Variants in KCNN3 observed in about 807,000 individuals in gnomAD.
KCNN3 encodes small conductance calcium-activated potassium channel protein 3.
KCNN3 carries 16 observed loss-of-function variants against 62.9 expected under a neutral mutation model. That is an observed-to-expected ratio of 0.25 (90% CI 0.17 to 0.39). The LOEUF (loss-of-function observed/expected upper bound fraction) is 0.39. Ranked by LOEUF, KCNN3 falls within the 10% of genes least tolerant of loss-of-function variation. The pLI, the probability that KCNN3 is intolerant of heterozygous loss-of-function variation, is 1.00. For synonymous variants in KCNN3, 370 were observed against 389.2 expected (o/e 0.95, Z 0.58); for missense variants, 599 against 949.4 (o/e 0.63, Z 4.85).
At chr1:154,805,720 C>T (rs1650145607) in intron 2 of KCNN3, among the ~76,000 whole-genome samples, 1 of 152,150 alleles carries the variant, frequency 6.6e-6, no homozygotes, top group Non-Finnish European at 1.5e-5. Flanking sequence ...AACCTTGCCA[C>T]TTACCGGCTG....
intron 1 of KCNN3, among the ~76,000 whole-genome samples, chr1:154,832,541 T>C (rs1232902291): frequency 6.6e-6 from 1 of 152,130 alleles, no homozygotes; most frequent in East Asian, 1.9e-4. Context: ...CTAGCAAATA[T>C]TTACTGCTCC....
At chr1:154,803,703 G>A (rs1266454720) in intron 2 of KCNN3, among the ~76,000 whole-genome samples, 2 of 152,230 alleles carry the variant, frequency 1.3e-5, no homozygotes, top group African/African-American at 2.4e-5. Context: ...GCCCTGGGCA[G>A]TGTACAGCTG....
chr1:154,767,659 G>A (rs1648356993), intron 3 of KCNN3, among the ~76,000 whole-genome samples: 2 of 152,198 alleles, frequency 1.3e-5, no homozygotes, highest in South Asian at 4.1e-4. Flanking sequence ...GTAAAATCAG[G>A]AGGTTCCTCC....
chr1:154,717,154 A>T (rs1379749439), intron 5 of KCNN3, among the ~76,000 whole-genome samples: 1 of 152,234 alleles, frequency 6.6e-6, no homozygotes, highest in Non-Finnish European at 1.5e-5. Flanking sequence ...CACAGGTCTG[A>T]GTACTTCATA....
At chr1:154,714,053 TGTGTGTGTGTGTG>T (rs1700136682) in intron 6 of KCNN3, among the ~76,000 whole-genome samples, 1 of 20,554 alleles carries the variant, frequency 4.9e-5, no homozygotes, top group Non-Finnish European at 9.0e-5. Context: ...GTGTGCGGGG[TGTGTGTGTGTGTG>T]GTGTTTGTGT....
intron 6 of KCNN3, among the ~76,000 whole-genome samples, chr1:154,713,991 T>C (rs186278705): frequency 0.054 from 1,229 of 22,680 alleles, 1 homozygote; most frequent in Non-Finnish European, 0.09. Context: ...GTGCGGGGTG[T>C]GTGTGTGTGT....
In KCNN3 at chr1:154,701,738, A is replaced by G. The variant is rs1474395626; in HGVS notation, c.*6238T>C. On this transcript the variant is annotated 3_prime_UTR_variant, in exon 8 of 8. Coordinates refer to ENST00000271915, the MANE Select transcript of KCNN3 (RefSeq NM_002249.6). Reference sequence around the variant, plus strand: ...AACATGTGGGAACCTTGCTCCCTCAAGGGTATTGCCAATTTAGAAAAGCAC... The same window carrying G: ...AACATGTGGGAACCTTGCTCCCTCAGGGGTATTGCCAATTTAGAAAAGCAC... 1 of 152,174 alleles carries G rather than the reference A, an allele frequency of 6.6e-6. No individual in the cohort carries two copies. The highest frequency in any genetic ancestry group is 1.9e-4 in the East Asian group (1 of 5,190). 9.4% of individuals were successfully genotyped at this position (152,174 alleles called of 1,614,324 possible).
chr1:154,828,452 C>T (rs1483460287), intron 1 of KCNN3, among the ~76,000 whole-genome samples: 1 of 151,922 alleles, frequency 6.6e-6, no homozygotes, highest in Non-Finnish European at 1.5e-5. Flanking sequence ...TCTCCTCAAA[C>T]ACAACAAGGC....
chr1:154,837,750 C>T (rs1266109583), intron 1 of KCNN3, among the ~76,000 whole-genome samples: 1 of 152,238 alleles, frequency 6.6e-6, no homozygotes, highest in Non-Finnish European at 1.5e-5. Flanking sequence ...AAAGCTCACA[C>T]CAGCCAAATG....
chr1:154,750,859 C>A (rs1023683683), intron 3 of KCNN3, among the ~76,000 whole-genome samples: 3 of 152,146 alleles, frequency 2.0e-5, no homozygotes, highest in Non-Finnish European at 4.4e-5. Context: ...CCCAGGACCC[C>A]CTCAGCTTCT....
intron 2 of KCNN3, among the ~76,000 whole-genome samples, chr1:154,817,951 C>T (rs4388702): frequency 0.013 from 1,971 of 152,120 alleles, 55 homozygotes; most frequent in African/African-American, 0.045. Flanking sequence ...CAGGGGCTGC[C>T]GGTGGCATGT....
chr1:154,704,547 T>C lies in KCNN3; in HGVS notation c.*3429A>G, dbSNP rs575545181. On this transcript the variant is annotated 3_prime_UTR_variant, in exon 8 of 8. Transcript: ENST00000271915. ...AGTACATCCCTGACTTTACAGTACA[T>C]GAAGCTTTAATATGGCTTAAGCAAT... The C allele has an allele frequency of 6.6e-6, 1 of 152,254 alleles. No individual in the cohort carries two copies. Among genetic ancestry groups the C allele is most frequent in the African/African-American group, 2.4e-5 (1 of 41,552 alleles). The allele number at this position is 152,254 out of a possible 1,614,324, so 9.4% of individuals were successfully genotyped here. A position where few individuals can be genotyped will look rare whatever the true frequency, so the allele number is the denominator to read the frequency against.
chr1:154,862,585 C>T lies in KCNN3; in HGVS notation c.933+6447G>A, dbSNP rs1652808592. Among the ~76,000 whole-genome samples the T allele has an allele frequency of 6.6e-6, 1 of 152,078 alleles. No individual in the cohort carries two copies. The highest frequency in any genetic ancestry group is 1.5e-5 in the Non-Finnish European group (1 of 67,998). ...TTTCATTTTCCCTGTATTCTCCACA[C>T]CTACCCTCCTCACAACCTGCCCGGT... On this transcript the variant is annotated intron_variant, in intron 1 of 7. Coordinates refer to ENST00000271915, the MANE Select transcript of KCNN3 (RefSeq NM_002249.6). This position sits in a 1 kb window ranked among gnomAD's most constrained non-coding sequence, Gnocchi z 4.1.
intron 2 of KCNN3, among the ~76,000 whole-genome samples, chr1:154,786,688 A>G (rs894756484): frequency 1.3e-5 from 2 of 152,244 alleles, no homozygotes; most frequent in Admixed American, 1.3e-4. Context: ...CTCTGGCTAA[A>G]CACTAAATTG....
chr1:154,734,597 G>A (rs1017114786), intron 3 of KCNN3, among the ~76,000 whole-genome samples: 14 of 152,194 alleles, frequency 9.2e-5, no homozygotes, highest in South Asian at 2.1e-4. Flanking sequence ...TAAGTGAGGC[G>A]TGCAGGGCAG....
rs768125954 is a variant in KCNN3, at chr1:154,869,635, G to T, written c.330C>A (p.Ala110=). Residue 110 remains alanine, a synonymous_variant, in exon 1 of 8, where the codon GCC becomes GCA. Transcript: ENST00000271915. The surrounding 1 kb of genome is among the most constrained non-coding windows in gnomAD (Gnocchi z 6.1). ...TGGCGGTGGAGTTGGACGAAGGGGG[G>T]GCCCTGAAAGCGGTGGGAGAGGAGT... The part of the protein sequence containing the change: ...LLHSSPTAFR[A]PPSSNSTAIL... 1.9e-6 allele frequency: 3 copies of T among 1,613,492 alleles called. No homozygotes were observed. The highest frequency in any genetic ancestry group is 1.1e-5 in the South Asian group (1 of 91,010).
chr1:154,840,729 A>G (rs1401531482), intron 1 of KCNN3, among the ~76,000 whole-genome samples: 1 of 152,240 alleles, frequency 6.6e-6, no homozygotes, highest in Non-Finnish European at 1.5e-5. Context: ...ACTTCCTGTC[A>G]GGACAGCTGA....
At chr1:154,708,941 C>G (rs1175452821) in intron 7 of KCNN3, among the ~76,000 whole-genome samples, 1 of 152,136 alleles carries the variant, frequency 6.6e-6, no homozygotes, top group Non-Finnish European at 1.5e-5. Context: ...CACAATGCCT[C>G]AGGGTGGGAC....
chr1:154,822,214 G>A, intron 1 of KCNN3, 30 bp from the exon 2 acceptor site: 2 of 1,492,718 alleles, frequency 1.3e-6, no homozygotes, highest in Non-Finnish European at 1.9e-6. Context: ...AGAGAATTAG[G>A]GAGTGCGGGG....
Sources: allele counts gnomAD v4.1 joint callset (sites outside exome capture counted in the v4.1 genomes callset), GRCh38; gene constraint gnomAD v4.1.1; non-coding constraint Gnocchi (gnomAD v3.1); transcripts MANE v1.5; gene names NCBI Gene and HGNC (gene_info 2026-07-23, HGNC 2026-07-21).